Variants in TNFRSF19 observed in about 807,000 individuals in gnomAD.
The protein encoded by TNFRSF19 is tumor necrosis factor receptor superfamily member 19.
TNFRSF19 carries 27 observed loss-of-function variants against 46.4 expected under a neutral mutation model. That is an observed-to-expected ratio of 0.58 (90% CI 0.43 to 0.80). The LOEUF (loss-of-function observed/expected upper bound fraction) is 0.80, where lower values mean the gene tolerates loss of function less well. Ranked by LOEUF, TNFRSF19 falls within the 30% of genes least tolerant of loss-of-function variation. The pLI, the probability that TNFRSF19 is intolerant of heterozygous loss-of-function variation, is 0.00. For synonymous variants in TNFRSF19, 204 were observed against 205.0 expected (o/e 1.00, Z 0.04); for missense variants, 511 against 530.8 (o/e 0.96, Z 0.37).
chr13:23,580,421 A>G (rs1878328018), intron 1 of TNFRSF19, among the ~76,000 whole-genome samples: 1 of 152,232 alleles, frequency 6.6e-6, no homozygotes, highest in Admixed American at 6.5e-5. Flanking sequence ...CAATTTCTTT[A>G]TGTAAACAGG....
intron 5 of TNFRSF19, among the ~76,000 whole-genome samples, chr13:23,657,810 C>G (rs541496886): frequency 1.3e-5 from 2 of 152,262 alleles, no homozygotes; most frequent in South Asian, 4.1e-4. Context: ...AATTCAGCCT[C>G]CCAAAGTGCT....
intron 3 of TNFRSF19, among the ~76,000 whole-genome samples, chr13:23,606,114 T>TA (rs1880494369): frequency 6.6e-6 from 1 of 152,142 alleles, no homozygotes; most frequent in Non-Finnish European, 1.5e-5. Context: ...AAAACTGCTG[T>TA]AAAAAATTGT....
In TNFRSF19 at chr13:23,607,987, A is replaced by G. The variant is rs116610576; in HGVS notation, c.181-7880A>G. On this transcript the variant is annotated intron_variant, in intron 3 of 9. Coordinates refer to ENST00000248484, the MANE Select transcript of TNFRSF19 (RefSeq NM_148957.4). ...GTATCTGAGCATCTCTTCCATTGTT[A>G]GTTAGGTTTCTACCATAAAAATGTG... 7.4e-3 allele frequency among the ~76,000 whole-genome samples: 1,123 copies of G among 152,134 alleles called. 10 individuals are homozygous for G. Among genetic ancestry groups the G allele is most frequent in the African/African-American group, 0.026 (1,077 of 41,484 alleles).
rs1420954792 is a variant in TNFRSF19 at position 23,635,657 on chromosome 13, G to A, written c.445+8865G>A. ...GCCTCCCAAAGTGCTGGGATTACAG[G>A]TGTGAGCCACAGAGCCTGGTCTAAA... On this transcript the variant is annotated intron_variant, in intron 5 of 9. Transcript: ENST00000248484. 3.3e-5 allele frequency among the ~76,000 whole-genome samples: 5 copies of A among 152,280 alleles called. No individual in the cohort carries two copies. The East Asian group carries it at 9.7e-4, about 29-fold the overall frequency.
At chr13:23,635,165 T>G (rs1882603184) in intron 5 of TNFRSF19, among the ~76,000 whole-genome samples, 1 of 152,028 alleles carries the variant, frequency 6.6e-6, no homozygotes, top group Non-Finnish European at 1.5e-5. Context: ...CCAGGTGAAC[T>G]CCGAGGGACA....
chr13:23,658,861 GGTGCCGGGTAAAGGT>G (rs2138387650), intron 5 of TNFRSF19, among the ~76,000 whole-genome samples, 174 bp from the exon 6 acceptor site: 1 of 152,302 alleles, frequency 6.6e-6, no homozygotes, highest in African/African-American at 2.4e-5. Flanking sequence ...CACATTGTGG[GGTGCCGGGTAAAGGT>G]GTCCCATTAA....
intron 3 of TNFRSF19, among the ~76,000 whole-genome samples, chr13:23,607,409 G>T (rs943656384): frequency 5.9e-5 from 9 of 152,084 alleles, no homozygotes; most frequent in African/African-American, 1.9e-4. Context: ...CTCAAGTCTG[G>T]GTGACAAAGT....
intron 5 of TNFRSF19, among the ~76,000 whole-genome samples, chr13:23,652,700 GC>G (rs1187221594): frequency 6.6e-6 from 1 of 152,210 alleles, no homozygotes; most frequent in African/African-American, 2.4e-5. Context: ...TAGCGACATA[GC>G]CCAAGGTGGA....
chr13:23,643,914 C>T (rs1245987388), intron 5 of TNFRSF19, among the ~76,000 whole-genome samples: 2 of 152,186 alleles, frequency 1.3e-5, no homozygotes, highest in Non-Finnish European at 2.9e-5. Context: ...CCCTTAGACA[C>T]AAGTTCATAC....
chr13:23,659,339 G>A lies in TNFRSF19; in HGVS notation c.610+125G>A. The A allele has an allele frequency of 3.7e-6, 4 of 1,068,862 alleles. No homozygotes were observed. The highest frequency in any genetic ancestry group is 5.3e-6 in the Non-Finnish European group (4 of 750,970). The allele number at this position is 1,068,862 out of a possible 1,614,324, so 66.2% of individuals were successfully genotyped here. A position where few individuals can be genotyped will look rare whatever the true frequency, so the allele number is the denominator to read the frequency against. On this transcript the variant is annotated intron_variant, in intron 6 of 9. Coordinates refer to ENST00000248484, the MANE Select transcript of TNFRSF19 (RefSeq NM_148957.4). The surrounding 1 kb of genome is among the most constrained non-coding windows in gnomAD (Gnocchi z 4.9). ...CCAGTGAGTTGTGAAAGAACGCAGG[G>A]CACAAGAAACACAGGTGATCCCTGA... is the stretch of plus-strand genomic sequence containing the variant.
chr13:23,648,046 TG>T (rs1883429914), intron 5 of TNFRSF19, among the ~76,000 whole-genome samples: 1 of 152,218 alleles, frequency 6.6e-6, no homozygotes, highest in Admixed American at 6.5e-5. Context: ...TTTGTTCTTT[TG>T]TAAGACTATT....
At chr13:23,584,627 TAAA>T (rs67871815) in intron 1 of TNFRSF19, among the ~76,000 whole-genome samples, 31 of 137,210 alleles carry the variant, frequency 2.3e-4, no homozygotes, top group East Asian at 6.2e-4. Context: ...AAGTTTTATT[TAAA>T]AAAAAAAAAA....
rs574760310 is a variant in TNFRSF19 at position 23,638,691 on chromosome 13, C to T, written c.445+11899C>T. 9.8e-5 allele frequency among the ~76,000 whole-genome samples: 15 copies of T among 152,300 alleles called. No homozygotes were observed. The South Asian group carries it at 1.0e-3, about 11-fold the overall frequency. On this transcript the variant is annotated intron_variant, in intron 5 of 9. Transcript: ENST00000248484. ...AGCTTCCTCCCTGACTTCCTCCCTT[C>T]TGCTGATGTTCCTGGGTCCCTGGTT...
At chr13:23,578,821 T>C (rs966467076) in intron 1 of TNFRSF19, among the ~76,000 whole-genome samples, 4 of 152,228 alleles carry the variant, frequency 2.6e-5, no homozygotes, top group Non-Finnish European at 5.9e-5. Flanking sequence ...GCCCTTCCGC[T>C]GCGAGGGTGC....
chr13:23,620,168 C>T (rs990216671), intron 4 of TNFRSF19, among the ~76,000 whole-genome samples: 1 of 152,168 alleles, frequency 6.6e-6, no homozygotes, highest in African/African-American at 2.4e-5. Flanking sequence ...AAGTACTCTT[C>T]CAGTTTAACT....
At chr13:23,576,184 AG>A (rs1877946987) in intron 1 of TNFRSF19, among the ~76,000 whole-genome samples, 2 of 149,532 alleles carry the variant, frequency 1.3e-5, no homozygotes, top group African/African-American at 5.0e-5. Context: ...CCCAGGCTGG[AG>A]TGCAGTGGCG....
chr13:23,616,560 T>C (rs1032130117), intron 4 of TNFRSF19, among the ~76,000 whole-genome samples: 2 of 148,936 alleles, frequency 1.3e-5, no homozygotes, highest in African/African-American at 5.1e-5. Context: ...TTCTTATAGG[T>C]TTTGTTTGTT....
At chr13:23,626,221 G>A (rs1881999177) in intron 4 of TNFRSF19, among the ~76,000 whole-genome samples, 1 of 144,698 alleles carries the variant, frequency 6.9e-6, no homozygotes, top group African/African-American at 2.6e-5. Context: ...GTGTGTGTGT[G>A]TGGTTGCTGT....
chr13:23,649,154 ATTC>A (rs1275139737), intron 5 of TNFRSF19, among the ~76,000 whole-genome samples: 1 of 152,122 alleles, frequency 6.6e-6, no homozygotes, highest in African/African-American at 2.4e-5. Flanking sequence ...GTTGGAGTTA[ATTC>A]TTCTTTAAGT....
Sources: allele counts gnomAD v4.1 joint callset (sites outside exome capture counted in the v4.1 genomes callset), GRCh38; gene constraint gnomAD v4.1.1; non-coding constraint Gnocchi (gnomAD v3.1); transcripts MANE v1.5; gene names NCBI Gene and HGNC (gene_info 2026-07-23, HGNC 2026-07-21).